LRRFIP1: variants seen among roughly 807,000 people sequenced by gnomAD.
LRRFIP1 encodes the protein LRR binding FLII interacting protein 1.
LRRFIP1 carries 62 observed loss-of-function variants against 104.4 expected under a neutral mutation model. The observed-to-expected ratio is 0.59, with a 90% confidence interval of 0.48 to 0.73. LRRFIP1 has a LOEUF of 0.73. LRRFIP1 is among the 30% of genes least tolerant of loss of function. The probability of loss-of-function intolerance (pLI) is 0.00; values close to 1 mark genes in which losing one functional copy is unlikely to be tolerated. For missense variants in LRRFIP1, 796 were observed against 824.5 expected (o/e 0.97, Z 0.42); for synonymous variants, 300 against 299.0 (o/e 1.00, Z -0.03).
At chr2:237,739,334 C>T (rs1352331781) in intron 11 of LRRFIP1, 25 bp downstream of exon 11, 1 of 1,542,656 alleles carries the variant, frequency 6.5e-7, no homozygotes, top group Non-Finnish European at 8.7e-7. Context: ...TGGCCTTGCT[C>T]CTACTCAGTG....
At chr2:237,750,326 C>CTTTTTTTTTTTTTTTTTTTTTTTTTTTTT (rs928510240) in intron 13 of LRRFIP1, among the ~76,000 whole-genome samples, 9 of 60,718 alleles carry the variant, frequency 1.5e-4, no homozygotes, top group Non-Finnish European at 2.8e-4. Flanking sequence ...TTCTTTCTTT[C>CTTTTTTTTTTTTTTTTTTTTTTTTTTTTT]TTTTTTTTTT....
chr2:237,711,201 G>A lies in LRRFIP1; in HGVS notation c.183+2571G>A, dbSNP rs137943805. ...TCACTGATGCTTCTGATGAGCACAG[G>A]CCTTGCGGAGAACATCTGATGAAAT... On this transcript the variant is annotated intron_variant, in intron 2 of 23. Transcript: ENST00000308482. This position sits in a 1 kb window ranked among gnomAD's most constrained non-coding sequence, Gnocchi z 4.4. 1.1e-4 allele frequency among the ~76,000 whole-genome samples: 16 copies of A among 152,344 alleles called. No homozygotes were observed. The highest frequency in any genetic ancestry group is 1.9e-4 in the Non-Finnish European group (13 of 68,032).
At chr2:237,731,505 T>C (rs903372) in intron 8 of LRRFIP1, among the ~76,000 whole-genome samples, 149,634 of 151,844 alleles carry the variant, frequency 0.99, 73,737 homozygotes, top group East Asian at 1. Flanking sequence ...TCCCCCAATA[T>C]GTGAATTTTG....
chr2:237,663,866 G>A (rs1399473962), intron 1 of LRRFIP1, among the ~76,000 whole-genome samples: 1 of 152,218 alleles, frequency 6.6e-6, no homozygotes, highest in Non-Finnish European at 1.5e-5. Context: ...TGGGCCATAG[G>A]GGAGAGGGGA....
In LRRFIP1 at chr2:237,735,171, G is replaced by C; in HGVS notation, c.490-97G>C. On this transcript the variant is annotated intron_variant, in intron 9 of 23. Transcript: ENST00000308482. The surrounding 1 kb of genome is among the most constrained non-coding windows in gnomAD (Gnocchi z 4.6). ...CATGCTTTTTCAGGTCATGCTCCTGGCACGTGTCAGTTTTTCACAGCTCAC... is the reference window on the plus strand; with the variant it reads ...CATGCTTTTTCAGGTCATGCTCCTGCCACGTGTCAGTTTTTCACAGCTCAC... 1 of 922,150 alleles carries C rather than the reference G, an allele frequency of 1.1e-6. No homozygotes were observed. The allele number at this position is 922,150 out of a possible 1,614,324, so 57.1% of individuals were successfully genotyped here.
At chr2:237,772,601 A>G (rs536886830) in intron 21 of LRRFIP1, 92 of 539,290 alleles carry the variant, frequency 1.7e-4, no homozygotes. Flanking sequence ...CCTACCCCCT[A>G]CCATCTCTTT....
At position 237,680,322 on chromosome 2, in the gene LRRFIP1, T is replaced by C. The variant is rs114368180; in HGVS notation, c.97-28222T>C. On this transcript the variant is annotated intron_variant, in intron 1 of 23. Transcript: ENST00000308482. Reference sequence around the variant, plus strand: ...GCCTGGTCAACACAGTGAGGCCCCATTGCAATAAATAAATAAGAAAATATT... The same window carrying C: ...GCCTGGTCAACACAGTGAGGCCCCACTGCAATAAATAAATAAGAAAATATT... Among the ~76,000 whole-genome samples, 1,298 of 152,260 alleles carry C rather than the reference T, an allele frequency of 8.5e-3. 16 individuals are homozygous for C. Among genetic ancestry groups the C allele is most frequent in the African/African-American group, 0.025 (1,056 of 41,556 alleles).
chr2:237,776,124 C>A (rs1042492767), intron 23 of LRRFIP1, among the ~76,000 whole-genome samples: 1 of 151,994 alleles, frequency 6.6e-6, no homozygotes, highest in Middle Eastern at 3.2e-3. Context: ...TCATGCCTGG[C>A]TAATTTTTGT....
At chr2:237,730,789 A>T (rs2094965255) in intron 8 of LRRFIP1, among the ~76,000 whole-genome samples, 1 of 152,196 alleles carries the variant, frequency 6.6e-6, no homozygotes, top group Admixed American at 6.5e-5. Context: ...GCGGTGGCAC[A>T]TGCCTGTAGT....
In LRRFIP1 at chr2:237,753,387, T is replaced by G. The variant is rs1356189689; in HGVS notation, c.946T>G (p.Phe316Val). 1.9e-6 allele frequency: 3 copies of G among 1,606,160 alleles called. No homozygotes were observed. Among genetic ancestry groups the G allele is most frequent in the Non-Finnish European group, 2.5e-6 (3 of 1,178,282 alleles). Residue 316 changes from phenylalanine (F) to valine (V), a missense_variant, in exon 15 of 24, where the codon TTC becomes GTC. By Grantham distance (50) the Phe-to-Val change is conservative. Coordinates refer to ENST00000308482, the MANE Select transcript of LRRFIP1 (RefSeq NM_001137550.2). Reference protein sequence around the residue: ...NAQLDNEKTNFMYQVDTLKDM... With the variant: ...NAQLDNEKTNVMYQVDTLKDM... ...TCAGCTAGACAATGAAAAGACAAACTTCATGTACCAGGTTGATACCCTAAA... is the reference window on the plus strand; with the variant it reads ...TCAGCTAGACAATGAAAAGACAAACGTCATGTACCAGGTTGATACCCTAAA...
intron 1 of LRRFIP1, among the ~76,000 whole-genome samples, chr2:237,647,156 T>C (rs1371299300): frequency 6.6e-6 from 1 of 151,990 alleles, no homozygotes; most frequent in African/African-American, 2.4e-5. Flanking sequence ...ACCCTTTGTG[T>C]TGGGCAGGAT....
At chr2:237,738,967 A>C (rs943656174) in intron 10 of LRRFIP1, among the ~76,000 whole-genome samples, 2 of 152,342 alleles carry the variant, frequency 1.3e-5, no homozygotes, top group East Asian at 3.9e-4. Flanking sequence ...CACCCAATTG[A>C]ACGGGTGCTT....
intron 2 of LRRFIP1, 60 bp from the exon 3 acceptor site, chr2:237,714,199 G>C: frequency 8.3e-7 from 1 of 1,201,450 alleles, no homozygotes; most frequent in Non-Finnish European, 1.2e-6. Flanking sequence ...CTTTCATTCT[G>C]ATGTTACTGC....
At chr2:237,654,585 C>G (rs1431244086) in intron 1 of LRRFIP1, among the ~76,000 whole-genome samples, 1 of 150,890 alleles carries the variant, frequency 6.6e-6, no homozygotes, top group Non-Finnish European at 1.5e-5. Flanking sequence ...GAATCTCACT[C>G]TGTCACTCAG....
chr2:237,741,687 G>A lies in LRRFIP1; in HGVS notation c.633+2378G>A, dbSNP rs944206193. On this transcript the variant is annotated intron_variant, in intron 11 of 23. Coordinates refer to ENST00000308482, the MANE Select transcript of LRRFIP1 (RefSeq NM_001137550.2). Reference sequence around the variant, plus strand: ...TACTAAAAATACAAAAATTAGCCGGGTGTAGTGGCGCATGCCTGTAATCCC... The same window carrying A: ...TACTAAAAATACAAAAATTAGCCGGATGTAGTGGCGCATGCCTGTAATCCC... Among the ~76,000 whole-genome samples, 41 of 152,098 alleles carry A rather than the reference G, an allele frequency of 2.7e-4. 1 individual carries two copies. Among genetic ancestry groups the A allele is most frequent in the African/African-American group, 9.7e-4 (40 of 41,410 alleles).
intron 1 of LRRFIP1, among the ~76,000 whole-genome samples, chr2:237,654,991 T>G (rs1284723932): frequency 6.6e-6 from 1 of 151,620 alleles, no homozygotes; most frequent in Non-Finnish European, 1.5e-5. Flanking sequence ...CTCTTCAGCC[T>G]TCAACATGAA....
chr2:237,729,359 C>A (rs1288154731), intron 8 of LRRFIP1, among the ~76,000 whole-genome samples: 1 of 152,208 alleles, frequency 6.6e-6, no homozygotes. Context: ...TTTCTGGCAC[C>A]CCAGGGCTGA....
intron 16 of LRRFIP1, 86 bp from the exon 17 acceptor site, chr2:237,757,370 T>C (rs1029324605): frequency 2.8e-5 from 23 of 809,118 alleles, no homozygotes; most frequent in Admixed American, 5.2e-5. Context: ...CCTCACTCAC[T>C]GTCCCAGCTC....
At position 237,753,485 on chromosome 2, in the gene LRRFIP1, C is replaced by T. The variant is rs1405134341; in HGVS notation, c.1038+6C>T. The T allele has an allele frequency of 1.3e-6, 2 of 1,580,524 alleles. No individual in the cohort carries two copies. Among genetic ancestry groups the T allele is most frequent in the African/African-American group, 1.4e-5 (1 of 72,726 alleles). Reference sequence around the variant, plus strand: ...AGTACGAAGAGAAAAACAAAGTAAGCATTAGTATGATACAGAATGTTAACA... The same window carrying T: ...AGTACGAAGAGAAAAACAAAGTAAGTATTAGTATGATACAGAATGTTAACA... On this transcript the variant is annotated splice_donor_region_variant and intron_variant, in intron 15 of 23. Transcript: ENST00000308482.
Sources: gnomAD v4.1 joint callset for allele counts (sites outside exome capture counted in the v4.1 genomes callset) on GRCh38, gnomAD v4.1.1 for gene constraint, Gnocchi (gnomAD v3.1) non-coding constraint, MANE v1.5 for transcripts, NCBI Gene and HGNC (gene_info 2026-07-23, HGNC 2026-07-21) for gene names.